The following AGAP1 variants were observed in gnomAD, a reference collection of about 807,000 sequenced individuals.
AGAP1 encodes ArfGAP with GTPase domain, ankyrin repeat and PH domain 1, also known as arf-GAP with GTPase, ANK repeat and PH domain-containing protein 1.
A neutral mutation model predicts 105.3 loss-of-function variants in AGAP1; 29 were observed. The observed-to-expected ratio is 0.28, with a 90% CI of 0.21 to 0.38. The LOEUF (loss-of-function observed/expected upper bound fraction) is 0.38, where lower values mean the gene tolerates loss of function less well. Among genes scored for constraint, AGAP1 ranks in the 10% least tolerant of loss-of-function variants. The pLI, the probability that AGAP1 is intolerant of heterozygous loss-of-function variation, is 1.00. For synonymous variants in AGAP1, 509 were observed against 485.9 expected (o/e 1.05, Z -0.63); for missense variants, 998 against 1,165.1 (o/e 0.86, Z 2.09).
intron 16 of AGAP1, among the ~76,000 whole-genome samples, chr2:236,064,864 A>G (rs1018916724): frequency 6.6e-6 from 1 of 150,592 alleles, no homozygotes; most frequent in Non-Finnish European, 1.5e-5. Flanking sequence ...CTAAACACAT[A>G]AAATGAAAAC....
intron 1 of AGAP1, among the ~76,000 whole-genome samples, chr2:235,675,201 T>G (rs1308138875): frequency 1.5e-4 from 23 of 149,320 alleles, no homozygotes; most frequent in African/African-American, 5.4e-4. Flanking sequence ...TTTTTTTTTT[T>G]TTTTTTGAGA....
chr2:236,029,918 T>C (rs903853009), intron 13 of AGAP1, among the ~76,000 whole-genome samples: 9 of 152,060 alleles, frequency 5.9e-5, no homozygotes, highest in African/African-American at 1.7e-4. Flanking sequence ...TTCAAATTTT[T>C]TGTAGAGATG....
At chr2:235,597,177 G>A (rs1330808780) in intron 1 of AGAP1, among the ~76,000 whole-genome samples, 1 of 152,224 alleles carries the variant, frequency 6.6e-6, no homozygotes, top group Admixed American at 6.5e-5. Flanking sequence ...AACCACCAAG[G>A]CCAGGGATGC....
At position 236,126,179 on chromosome 2, in the gene AGAP1, C is replaced by T. The variant is rs1437798865; in HGVS notation, c.*2057C>T. The T allele has an allele frequency of 1.3e-5, 2 of 152,194 alleles. No homozygotes were observed. Among genetic ancestry groups the T allele is most frequent in the Non-Finnish European group, 2.9e-5 (2 of 68,044 alleles). 9.4% of individuals were successfully genotyped at this position (152,194 alleles called of 1,614,324 possible). ...AAAAGTATAACAGGTGCAGAAGCCA[C>T]AAGTCTGAGAACCTTGACGACAGTT... On this transcript the variant is annotated 3_prime_UTR_variant, in exon 18 of 18. Coordinates refer to ENST00000304032, the MANE Select transcript of AGAP1 (RefSeq NM_001037131.3).
At chr2:236,031,453 G>A (rs1486477078) in intron 13 of AGAP1, among the ~76,000 whole-genome samples, 2 of 152,264 alleles carry the variant, frequency 1.3e-5, no homozygotes, top group Non-Finnish European at 2.9e-5. Flanking sequence ...CAGCCTTGGA[G>A]ATCTCAACAC....
At chr2:235,803,368 A>AT (rs1024899978) in intron 8 of AGAP1, among the ~76,000 whole-genome samples, 1 of 152,210 alleles carries the variant, frequency 6.6e-6, no homozygotes, top group Non-Finnish European at 1.5e-5. Context: ...GTTTTCTTCT[A>AT]TTTTTAAATA....
At chr2:235,975,265 T>A (rs559544491) in intron 13 of AGAP1, among the ~76,000 whole-genome samples, 1 of 152,366 alleles carries the variant, frequency 6.6e-6, no homozygotes, top group South Asian at 2.1e-4. Context: ...GACTTTTTTT[T>A]ATTATTATTA....
chr2:235,973,572 A>G lies in AGAP1; in HGVS notation c.1645+4949A>G, dbSNP rs1433581805. Among the ~76,000 whole-genome samples, 2 of 152,158 alleles carry G rather than the reference A, an allele frequency of 1.3e-5. No individual in the cohort carries two copies. The highest frequency in any genetic ancestry group is 2.4e-5 in the African/African-American group (1 of 41,446). The stretch of plus-strand genomic sequence containing the variant: ...GCAGTGACCAGAGAGAAGGGTGGTG[A>G]TGAGGATGAGGGCCATGAGGCATGG... On this transcript the variant is annotated intron_variant, in intron 13 of 17. Transcript: ENST00000304032. The surrounding 1 kb of genome is among the most constrained non-coding windows in gnomAD (Gnocchi z 4.7).
At chr2:235,833,541 C>T (rs1027283716) in intron 9 of AGAP1, among the ~76,000 whole-genome samples, 3 of 151,472 alleles carry the variant, frequency 2.0e-5, no homozygotes, top group South Asian at 2.1e-4. Context: ...CTCATCACCC[C>T]GCCCCCTCCT....
rs1946043142 is a variant in AGAP1 at position 235,609,072 on chromosome 2, G to C, written c.164-100107G>C. Among the ~76,000 whole-genome samples the C allele has an allele frequency of 6.6e-6, 1 of 152,182 alleles. No individual in the cohort carries two copies. The highest frequency in any genetic ancestry group is 2.4e-5 in the African/African-American group (1 of 41,448). On this transcript the variant is annotated intron_variant, in intron 1 of 17. Coordinates refer to ENST00000304032, the MANE Select transcript of AGAP1 (RefSeq NM_001037131.3). This position sits in a 1 kb window ranked among gnomAD's most constrained non-coding sequence, Gnocchi z 5.1. Reference sequence around the variant, plus strand: ...TGCATAGAAATGATTTTTGCACAGAGCTTTGTCATTGGGAAGGATGCTTAT... The same window carrying C: ...TGCATAGAAATGATTTTTGCACAGACCTTTGTCATTGGGAAGGATGCTTAT...
rs1464311240 is a variant in AGAP1 at position 235,734,427 on chromosome 2, G to A, written c.311-6536G>A. On this transcript the variant is annotated intron_variant, in intron 3 of 17. Transcript: ENST00000304032. This position sits in a 1 kb window ranked among gnomAD's most constrained non-coding sequence, Gnocchi z 5.3. The stretch of plus-strand genomic sequence containing the variant: ...CCCCACTGCATCTTGATCAGACACT[G>A]CCATGAGGTCCCTCCCCTCTCTGAT... Among the ~76,000 whole-genome samples, 1 of 151,856 alleles carries A rather than the reference G, an allele frequency of 6.6e-6. No individual in the cohort carries two copies. The highest frequency in any genetic ancestry group is 1.9e-4 in the East Asian group (1 of 5,178).
chr2:235,959,255 G>A lies in AGAP1; in HGVS notation c.1484-9207G>A, dbSNP rs540226656. Among the ~76,000 whole-genome samples, 3 of 152,320 alleles carry A rather than the reference G, an allele frequency of 2.0e-5. No homozygotes were observed. The highest frequency in any genetic ancestry group is 3.9e-4 in the East Asian group (2 of 5,176). ...AGCCAGGAGGAGCGGATGGCGCTCC[G>A]TGGGCCGGCTGGAGCTCATTTACAG... On this transcript the variant is annotated intron_variant, in intron 12 of 17. Coordinates refer to ENST00000304032, the MANE Select transcript of AGAP1 (RefSeq NM_001037131.3). This position sits in a 1 kb window ranked among gnomAD's most constrained non-coding sequence, Gnocchi z 7.3.
rs187911828 is a variant in AGAP1 at position 235,625,731 on chromosome 2, G to A, written c.164-83448G>A. On this transcript the variant is annotated intron_variant, in intron 1 of 17. Coordinates refer to ENST00000304032, the MANE Select transcript of AGAP1 (RefSeq NM_001037131.3). This position sits in a 1 kb window ranked among gnomAD's most constrained non-coding sequence, Gnocchi z 4.0. ...AGTCGTCTGAAATATATTATGGTTTGTTTGTAGCTTCAGCTAGTACTTTTC... is the reference window on the plus strand; with the variant it reads ...AGTCGTCTGAAATATATTATGGTTTATTTGTAGCTTCAGCTAGTACTTTTC... Among the ~76,000 whole-genome samples, 119 of 152,272 alleles carry A rather than the reference G, an allele frequency of 7.8e-4. No individual in the cohort carries two copies. Among genetic ancestry groups the A allele is most frequent in the African/African-American group, 2.2e-3 (91 of 41,560 alleles).
In AGAP1 at chr2:235,960,300, A is replaced by C. The variant is rs1201191543; in HGVS notation, c.1484-8162A>C. ...GCCTGGCTTTCTGTTTCCATTCTTGAGATTGCAGTTGTTTTTATCCCATGA... is the reference window on the plus strand; with the variant it reads ...GCCTGGCTTTCTGTTTCCATTCTTGCGATTGCAGTTGTTTTTATCCCATGA... On this transcript the variant is annotated intron_variant, in intron 12 of 17. Coordinates refer to ENST00000304032, the MANE Select transcript of AGAP1 (RefSeq NM_001037131.3). This position sits in a 1 kb window ranked among gnomAD's most constrained non-coding sequence, Gnocchi z 4.9. Among the ~76,000 whole-genome samples the C allele has an allele frequency of 6.6e-6, 1 of 152,050 alleles. No homozygotes were observed. Among genetic ancestry groups the C allele is most frequent in the Non-Finnish European group, 1.5e-5 (1 of 68,006 alleles).
At chr2:235,757,770 G>A (rs1234537179) in intron 6 of AGAP1, among the ~76,000 whole-genome samples, 1 of 152,120 alleles carries the variant, frequency 6.6e-6, no homozygotes, top group Non-Finnish European at 1.5e-5. Context: ...TGAAATCCTG[G>A]TGTGTGCAAA....
intron 1 of AGAP1, among the ~76,000 whole-genome samples, chr2:235,672,705 C>CTT (rs2149366577): frequency 6.6e-6 from 1 of 152,318 alleles, no homozygotes; most frequent in East Asian, 1.9e-4. Flanking sequence ...TAATTAGCTG[C>CTT]CTCGGTTCCA....
rs2050096618 is a variant in AGAP1, at chr2:235,882,805, T to C, written c.1051-540T>C. ...AATGCAGTTTTTTTAGTTTGTTCTT[T>C]CTTTTTCTCTTTGTCTCTCCTCTCT... is the stretch of plus-strand genomic sequence containing the variant. On this transcript the variant is annotated intron_variant, in intron 9 of 17. Coordinates refer to ENST00000304032, the MANE Select transcript of AGAP1 (RefSeq NM_001037131.3). The surrounding 1 kb of genome is among the most constrained non-coding windows in gnomAD (Gnocchi z 4.6). Among the ~76,000 whole-genome samples, 1 of 151,944 alleles carries C rather than the reference T, an allele frequency of 6.6e-6. No homozygotes were observed. The highest frequency in any genetic ancestry group is 2.1e-4 in the South Asian group (1 of 4,814).
intron 1 of AGAP1, among the ~76,000 whole-genome samples, chr2:235,674,335 T>C (rs1948606917): frequency 6.6e-6 from 1 of 152,214 alleles, no homozygotes; most frequent in Non-Finnish European, 1.5e-5. Context: ...AAGTATAATT[T>C]AATACAAGGA....
chr2:235,630,115 CA>C (rs1237279883), intron 1 of AGAP1, among the ~76,000 whole-genome samples: 3 of 151,952 alleles, frequency 2.0e-5, no homozygotes, highest in Non-Finnish European at 4.4e-5. Context: ...GATTTTGTGC[CA>C]AATTAAACAT....
Sources: allele counts gnomAD v4.1 joint callset (sites outside exome capture counted in the v4.1 genomes callset), GRCh38; gene constraint gnomAD v4.1.1; non-coding constraint Gnocchi (gnomAD v3.1); transcripts MANE v1.5; gene names NCBI Gene and HGNC (gene_info 2026-07-23, HGNC 2026-07-21).